The following TOMM20 variants were observed in gnomAD, a reference collection of about 807,000 sequenced individuals.
TOMM20 encodes translocase of outer mitochondrial membrane 20.
In TOMM20, 10 loss-of-function variants were observed where a neutral mutation model predicts 22.1. The ratio of observed to expected loss-of-function variants is 0.45; its 90% confidence interval spans 0.28 to 0.77. The LOEUF (loss-of-function observed/expected upper bound fraction) is 0.77, where lower values mean the gene tolerates loss of function less well. TOMM20 is among the 30% of genes least tolerant of loss of function. The pLI is 0.13. For synonymous variants in TOMM20, 55 were observed against 61.4 expected, an observed-to-expected ratio of 0.90 and a Z score of 0.49; for missense variants, 121 against 172.2, an observed-to-expected ratio of 0.70 and a Z score of 1.66.
intron 1 of TOMM20, among the ~76,000 whole-genome samples, chr1:235,122,898 G>A (rs935142196): frequency 6.6e-6 from 1 of 152,168 alleles, no homozygotes; most frequent in Non-Finnish European, 1.5e-5. Context: ...GTATCCAGGG[G>A]AGGCCTGGAA....
At chr1:235,121,762 T>C (rs1352526797) in intron 2 of TOMM20, among the ~76,000 whole-genome samples, 1 of 152,212 alleles carries the variant, frequency 6.6e-6, no homozygotes, top group Non-Finnish European at 1.5e-5. Flanking sequence ...GAACATTTTT[T>C]TACCAAGTAG....
chr1:235,125,505 A>G (rs1005465135), intron 1 of TOMM20, among the ~76,000 whole-genome samples: 6 of 151,836 alleles, frequency 4.0e-5, no homozygotes, highest in African/African-American at 1.5e-4. Flanking sequence ...CTGAGCCACC[A>G]CGCCCGGCCG....
At chr1:235,122,220 G>GT in intron 2 of TOMM20, 106 bp downstream of exon 2, 1 of 997,598 alleles carries the variant, frequency 1.0e-6, no homozygotes, top group Admixed American at 2.9e-5. Flanking sequence ...GCAATGTCCA[G>GT]TATCAACTAG....
At position 235,111,707 on chromosome 1, in the gene TOMM20, C is replaced by T. The variant is rs1660741507; in HGVS notation, c.*357G>A. 1 of 172,142 alleles carries T rather than the reference C, an allele frequency of 5.8e-6. No homozygotes were observed. Among genetic ancestry groups the T allele is most frequent in the Non-Finnish European group, 1.2e-5 (1 of 82,568 alleles). The allele number at this position is 172,142 out of a possible 1,614,324, so 10.7% of individuals were successfully genotyped here. A position where few individuals can be genotyped will look rare whatever the true frequency, so the allele number is the denominator to read the frequency against. On this transcript the variant is annotated 3_prime_UTR_variant, in exon 5 of 5. Transcript: ENST00000366607. ...AAAAGTGTACATTCTTCAGTTTCTCCTATACTTTTTTTTTTTTGCCTATCT... is the reference window on the plus strand; with the variant it reads ...AAAAGTGTACATTCTTCAGTTTCTCTTATACTTTTTTTTTTTTGCCTATCT...
At chr1:235,114,563 G>A (rs1009657983) in intron 3 of TOMM20, among the ~76,000 whole-genome samples, 4 of 149,886 alleles carry the variant, frequency 2.7e-5, no homozygotes, top group South Asian at 2.1e-4. Flanking sequence ...TCAGCCTCCC[G>A]CGCAGCTGGG....
chr1:235,124,841 ATATAG>A (rs1376196392), intron 1 of TOMM20, among the ~76,000 whole-genome samples: 1 of 152,252 alleles, frequency 6.6e-6, no homozygotes, highest in African/African-American at 2.4e-5. Context: ...ATATTTTCAG[ATATAG>A]TATAATGCAG....
At chr1:235,112,271 C>G (rs1030790756) in intron 4 of TOMM20, among the ~76,000 whole-genome samples, 163 bp from the exon 5 acceptor site, 2 of 152,156 alleles carry the variant, frequency 1.3e-5, no homozygotes, top group East Asian at 3.8e-4. Context: ...AGTCGGCATC[C>G]AAGAAAACAA....
rs796382236 is a variant in TOMM20, at chr1:235,125,916, A to AT, written c.121+2678dup. On this transcript the variant is annotated intron_variant, in intron 1 of 4. Transcript: ENST00000366607. ...AGGTGCGTGCCACCACGCCCAGCTA[A>AT]TTTTTTTTTTTTTGTATTTTTAGTA... Among the ~76,000 whole-genome samples, 255 of 141,816 alleles carry AT rather than the reference A, an allele frequency of 1.8e-3. 1 individual carries two copies. Among genetic ancestry groups the AT allele is most frequent in the East Asian group, 0.013 (62 of 4,838 alleles). 93.0% of individuals were successfully genotyped at this position (141,816 alleles called of 152,430 possible).
intron 1 of TOMM20, among the ~76,000 whole-genome samples, chr1:235,126,416 G>A (rs1661023633): frequency 6.6e-6 from 1 of 151,848 alleles, no homozygotes; most frequent in African/African-American, 2.4e-5. Context: ...CTAGCGTTGA[G>A]CCACCACACC....
chr1:235,128,815 CCGCG>C lies in TOMM20; in HGVS notation c.-104_-101del. The C allele has an allele frequency of 6.4e-7, 1 of 1,557,994 alleles. No homozygotes were observed. The highest frequency in any genetic ancestry group is 1.9e-5 in the Admixed American group (1 of 53,604). On this transcript the variant is annotated 5_prime_UTR_variant, in exon 1 of 5. Transcript: ENST00000366607. ...GGTCGGCGCAGCTCACACCCGACGG[CCGCG>C]GGCCAGGAACACAGAAAGGCCGAGC... is the stretch of plus-strand genomic sequence containing the variant.
chr1:235,126,090 A>T (rs566999895), intron 1 of TOMM20, among the ~76,000 whole-genome samples: 6 of 150,068 alleles, frequency 4.0e-5, no homozygotes, highest in Admixed American at 1.3e-4. Flanking sequence ...TAGATAGATA[A>T]AGATAGATAG....
At chr1:235,116,533 T>TCTCAAAAAAAAAAAAATTAGCTGAGC (rs1660830966) in intron 3 of TOMM20, among the ~76,000 whole-genome samples, 1 of 140,434 alleles carries the variant, frequency 7.1e-6, no homozygotes. Context: ...TGAGACTCCA[T>TCTCAAAAAAAAAAAAATTAGCTGAGC]CTCAAAAAAA....
intron 3 of TOMM20, among the ~76,000 whole-genome samples, chr1:235,117,030 GA>G (rs1489308274): frequency 4.7e-5 from 7 of 150,430 alleles, no homozygotes; most frequent in Non-Finnish European, 8.9e-5. Flanking sequence ...AGCTACTCGG[GA>G]GGCTGAGGCA....
intron 1 of TOMM20, among the ~76,000 whole-genome samples, chr1:235,128,370 AAAGT>A (rs1329031087): frequency 6.6e-6 from 1 of 152,232 alleles, no homozygotes; most frequent in African/African-American, 2.4e-5. Flanking sequence ...TTGCACGGCT[AAAGT>A]GTCTGGGGAA....
chr1:235,127,933 T>A (rs1375754461), intron 1 of TOMM20: 1 of 518,514 alleles, frequency 1.9e-6, no homozygotes, highest in Admixed American at 1.9e-5. Flanking sequence ...GGTTTAAGAA[T>A]GCAGCAATGA....
chr1:235,114,288 C>T (rs969671671), intron 3 of TOMM20, among the ~76,000 whole-genome samples: 1 of 151,980 alleles, frequency 6.6e-6, no homozygotes, highest in African/African-American at 2.4e-5. Context: ...CCCAATTTCA[C>T]ATTAAGCCAA....
At chr1:235,123,288 C>A (rs1405581722) in intron 1 of TOMM20, among the ~76,000 whole-genome samples, 1 of 152,142 alleles carries the variant, frequency 6.6e-6, no homozygotes, top group Non-Finnish European at 1.5e-5. Flanking sequence ...AGTTCGAGAC[C>A]AGCCTGGCCA....
intron 3 of TOMM20, among the ~76,000 whole-genome samples, chr1:235,118,148 T>C (rs1660866042): frequency 7.2e-6 from 1 of 139,582 alleles, no homozygotes; most frequent in Non-Finnish European, 1.6e-5. Context: ...ATGCTGAAGA[T>C]ACACTGACAC....
intron 3 of TOMM20, chr1:235,119,465 C>T (rs1051848833): frequency 1.2e-5 from 2 of 161,412 alleles, no homozygotes; most frequent in East Asian, 3.4e-4. Flanking sequence ...AGCTCACATT[C>T]CTTCAGTTAC....
Sources: allele counts gnomAD v4.1 joint callset (sites outside exome capture counted in the v4.1 genomes callset), GRCh38; gene constraint gnomAD v4.1.1; transcripts MANE v1.5; gene names NCBI Gene and HGNC (gene_info 2026-07-23, HGNC 2026-07-21).